CYYR1: variants seen among roughly 807,000 people sequenced by gnomAD.
The protein encoded by CYYR1 is cysteine and tyrosine rich 1, also known as cysteine and tyrosine-rich protein 1.
In CYYR1, 14 loss-of-function variants were observed where a neutral mutation model predicts 15.2. The observed-to-expected ratio is 0.92, with a 90% CI of 0.61 to 1.44. CYYR1 has a LOEUF of 1.44. Ranked by LOEUF, CYYR1 falls within the 40% of genes most tolerant of loss-of-function variation. The probability of loss-of-function intolerance (pLI) is 0.00; values close to 1 mark genes in which losing one functional copy is unlikely to be tolerated. For synonymous variants in CYYR1, 80 were observed against 77.4 expected, an observed-to-expected ratio of 1.03 and a Z score of -0.18; for missense variants, 228 against 209.5, an observed-to-expected ratio of 1.09 and a Z score of -0.54.
At chr21:26,486,402 G>T (rs1024956930) in intron 2 of CYYR1, among the ~76,000 whole-genome samples, 1 of 151,980 alleles carries the variant, frequency 6.6e-6, no homozygotes, top group East Asian at 1.9e-4. Context: ...TTTTACATTT[G>T]ATATTTAAAC....
At chr21:26,570,138 G>A (rs1980915045) in intron 1 of CYYR1, among the ~76,000 whole-genome samples, 1 of 152,154 alleles carries the variant, frequency 6.6e-6, no homozygotes, top group Non-Finnish European at 1.5e-5. Flanking sequence ...CGCCATACAG[G>A]AGCTTTTTCT....
intron 2 of CYYR1, among the ~76,000 whole-genome samples, chr21:26,504,535 T>C (rs2065529026): frequency 6.6e-6 from 1 of 152,162 alleles, no homozygotes; most frequent in African/African-American, 2.4e-5. Flanking sequence ...TGTGAGTACA[T>C]AGTAGGTGTA....
intron 2 of CYYR1, among the ~76,000 whole-genome samples, chr21:26,521,080 G>A (rs2065798935): frequency 6.6e-6 from 1 of 152,108 alleles, no homozygotes; most frequent in African/African-American, 2.4e-5. Context: ...TAATGCATGC[G>A]GGGCTTACTA....
At chr21:26,500,717 T>C (rs958877230) in intron 2 of CYYR1, among the ~76,000 whole-genome samples, 10 of 152,080 alleles carry the variant, frequency 6.6e-5, no homozygotes, top group Non-Finnish European at 1.5e-4. Flanking sequence ...GACAGAGCAA[T>C]TGGCCACACC....
chr21:26,489,273 C>T (rs2065294095), intron 2 of CYYR1, among the ~76,000 whole-genome samples: 1 of 152,038 alleles, frequency 6.6e-6, no homozygotes, highest in South Asian at 2.1e-4. Context: ...ATAAAAAGTG[C>T]TCTTGAATAT....
chr21:26,565,089 A>G (rs1980516508), intron 2 of CYYR1, among the ~76,000 whole-genome samples: 2 of 152,194 alleles, frequency 1.3e-5, no homozygotes, highest in Admixed American at 1.3e-4. Context: ...CTTAAATTCT[A>G]TACATGGTTT....
intron 2 of CYYR1, among the ~76,000 whole-genome samples, chr21:26,559,068 G>A (rs956114721): frequency 2.6e-5 from 4 of 152,182 alleles, no homozygotes; most frequent in Admixed American, 6.5e-5. Flanking sequence ...ATGTGGAACA[G>A]TTCTTGTTCT....
intron 2 of CYYR1, chr21:26,482,493 G>A: frequency 2.0e-6 from 2 of 985,208 alleles, no homozygotes; most frequent in Non-Finnish European, 2.4e-6. Context: ...CTTGAGCCCT[G>A]TTTGCTGGTC....
chr21:26,521,045 G>A (rs2123560848), intron 2 of CYYR1, among the ~76,000 whole-genome samples: 1 of 152,284 alleles, frequency 6.6e-6, no homozygotes, highest in Middle Eastern at 3.4e-3. Flanking sequence ...GGTGCGGAGG[G>A]AGGGAGAGCA....
At chr21:26,529,459 C>A (rs2065904135) in intron 2 of CYYR1, among the ~76,000 whole-genome samples, 2 of 152,148 alleles carry the variant, frequency 1.3e-5, no homozygotes, top group Admixed American at 1.3e-4. Context: ...AAACAGGTAA[C>A]CACAATTTTA....
At chr21:26,520,096 T>TA (rs1198043964) in intron 2 of CYYR1, among the ~76,000 whole-genome samples, 4 of 111,480 alleles carry the variant, frequency 3.6e-5, no homozygotes, top group African/African-American at 3.8e-5. Flanking sequence ...TTTCTTCTTC[T>TA]AAAAAAAAAC....
intron 3 of CYYR1, chr21:26,477,918 T>C (rs2065124567): frequency 7.6e-7 from 1 of 1,308,848 alleles, no homozygotes; most frequent in Non-Finnish European, 9.8e-7. Flanking sequence ...TTGGGAATAT[T>C]TGAAATTGCA....
chr21:26,485,697 T>C (rs1054119919), intron 2 of CYYR1, among the ~76,000 whole-genome samples: 7 of 152,110 alleles, frequency 4.6e-5, no homozygotes, highest in African/African-American at 1.7e-4. Flanking sequence ...GATATGGCTA[T>C]AACACACTTT....
chr21:26,479,941 C>CATT (rs2065152054), intron 3 of CYYR1, among the ~76,000 whole-genome samples: 2 of 152,166 alleles, frequency 1.3e-5, no homozygotes, highest in Non-Finnish European at 2.9e-5. Context: ...TTGAGACATA[C>CATT]ATTATACTTT....
At chr21:26,572,741 G>T in intron 1 of CYYR1, 127 bp downstream of exon 1, 2 of 1,176,192 alleles carry the variant, frequency 1.7e-6, no homozygotes, top group Non-Finnish European at 2.4e-6. Flanking sequence ...CGCGGAAAAG[G>T]CAGAAGCGTC....
rs999418572 is a variant in CYYR1 at position 26,477,828 on chromosome 21, A to G, written c.334+2444T>C. On this transcript the variant is annotated intron_variant, in intron 3 of 3. Transcript: ENST00000652641. ...CAAGGGAAAAAATTCAGAGGTATAA[A>G]TAATAATAAAAATAATTCCATCTAT... 10 of 1,190,440 alleles carry G rather than the reference A, an allele frequency of 8.4e-6. No homozygotes were observed. The African/African-American group carries it at 1.4e-4, about 17-fold the overall frequency. The allele number at this position is 1,190,440 out of a possible 1,614,324, so 73.7% of individuals were successfully genotyped here.
chr21:26,521,059 C>T (rs577675869), intron 2 of CYYR1, among the ~76,000 whole-genome samples: 11 of 152,114 alleles, frequency 7.2e-5, no homozygotes, highest in African/African-American at 2.2e-4. Flanking sequence ...GAGAGCATCA[C>T]GATAAATAGC....
rs370007410 is a variant in CYYR1, at chr21:26,503,187, A to G, written c.177-22758T>C. Among the ~76,000 whole-genome samples the G allele has an allele frequency of 9.8e-5, 15 of 152,336 alleles. No homozygotes were observed. In the East Asian group the frequency reaches 2.9e-3, roughly 29 times the overall value. On this transcript the variant is annotated intron_variant, in intron 2 of 3. Coordinates refer to ENST00000652641, the MANE Select transcript of CYYR1 (RefSeq NM_001320768.2). ...TTTTAACACCACTAAAAGCACTTGG[A>G]GAGACTTCATTTATGTAGGACATTA... is the stretch of plus-strand genomic sequence containing the variant.
intron 2 of CYYR1, among the ~76,000 whole-genome samples, chr21:26,491,349 G>A (rs186223276): frequency 2.6e-5 from 4 of 152,190 alleles, no homozygotes. Flanking sequence ...GTCATGCTTT[G>A]AGTGGAAATA....
Sources: allele counts gnomAD v4.1 joint callset (sites outside exome capture counted in the v4.1 genomes callset), GRCh38; gene constraint gnomAD v4.1.1; transcripts MANE v1.5; gene names NCBI Gene and HGNC (gene_info 2026-07-23, HGNC 2026-07-21).